Variants in TUFT1 observed in about 807,000 individuals in gnomAD.
TUFT1 encodes the protein tuftelin.
In TUFT1, 43 loss-of-function variants were observed where a neutral mutation model predicts 57.8. The ratio of observed to expected loss-of-function variants is 0.74; its 90% confidence interval spans 0.58 to 0.96. TUFT1 has a LOEUF of 0.96. Among genes scored for constraint, TUFT1 ranks in the 40% least tolerant of loss-of-function variants. TUFT1 has a pLI of 0.00. For missense variants in TUFT1, 459 were observed against 489.0 expected (o/e 0.94, Z 0.58); for synonymous variants, 166 against 176.7 (o/e 0.94, Z 0.48).
At chr1:151,578,036 A>G (rs1428704404) in intron 9 of TUFT1, among the ~76,000 whole-genome samples, 1 of 152,132 alleles carries the variant, frequency 6.6e-6, no homozygotes, top group East Asian at 1.9e-4. Flanking sequence ...CGGAAAAAAA[A>G]AAAAAGAAAA....
At chr1:151,565,612 A>G (rs1666045478) in intron 5 of TUFT1, among the ~76,000 whole-genome samples, 1 of 152,264 alleles carries the variant, frequency 6.6e-6, no homozygotes, top group Non-Finnish European at 1.5e-5. Context: ...ACTGGCCCAA[A>G]GTCCAGCCCC....
At chr1:151,575,075 T>G in intron 9 of TUFT1, 70 bp downstream of exon 9, 1 of 1,379,970 alleles carries the variant, frequency 7.2e-7, no homozygotes, top group Non-Finnish European at 1.0e-6. Flanking sequence ...TACAGCCTGT[T>G]GCTCCTGTGG....
chr1:151,582,938 GTT>G lies in TUFT1; in HGVS notation c.*1243_*1244del. The G allele has an allele frequency of 1.4e-5, 2 of 142,714 alleles. No homozygotes were observed. The highest frequency in any genetic ancestry group is 7.0e-5 in the Admixed American group (1 of 14,234). The allele number at this position is 142,714 out of a possible 1,614,324, so 8.8% of individuals were successfully genotyped here. On this transcript the variant is annotated 3_prime_UTR_variant, in exon 13 of 13. Transcript: ENST00000368849. The stretch of plus-strand genomic sequence containing the variant: ...GTCATCATGGTTTTCTTTTTTTATT[GTT>G]TTTTTTTTTTTCTGAGACAGAGTCT...
In TUFT1 at chr1:151,582,028, G is replaced by A. The variant is rs890859277; in HGVS notation, c.*321G>A. The A allele has an allele frequency of 1.8e-5, 10 of 548,618 alleles. No homozygotes were observed. The highest frequency in any genetic ancestry group is 3.7e-5 in the African/African-American group (2 of 53,592). 34.0% of individuals were successfully genotyped at this position (548,618 alleles called of 1,614,324 possible). On this transcript the variant is annotated 3_prime_UTR_variant, in exon 13 of 13. Transcript: ENST00000368849. ...CTGTTGTAGACTGGACTCTGGCTGTGCCATAAGCCAGGCCTTCATCAGATT... is the reference window on the plus strand; with the variant it reads ...CTGTTGTAGACTGGACTCTGGCTGTACCATAAGCCAGGCCTTCATCAGATT...
rs958134450 is a variant in TUFT1, at chr1:151,578,771, A to G, written c.869A>G (p.His290Arg). The stretch of plus-strand genomic sequence containing the variant: ...GCCGGGTTGCGGGAGAAGATCCACC[A>G]CTTGGATGACATGCTCAAGAGCCAG... ...EVAGLREKIHHLDDMLKSQQR... is the reference protein window; with the variant it reads ...EVAGLREKIHRLDDMLKSQQR... The change falls in exon 10 of 13, where the codon CAC (histidine) becomes CGC (arginine). Residue 290 changes from histidine to arginine, a missense_variant. His to Arg is a conservative substitution (Grantham distance 29, BLOSUM62 0). Transcript: ENST00000368849. 2 of 1,584,208 alleles carry G rather than the reference A, an allele frequency of 1.3e-6. No individual in the cohort carries two copies. The highest frequency in any genetic ancestry group is 1.3e-5 in the African/African-American group (1 of 74,322).
chr1:151,562,043 T>C, intron 1 of TUFT1, 48 bp from the exon 2 acceptor site: 4 of 1,591,320 alleles, frequency 2.5e-6, no homozygotes, highest in Non-Finnish European at 3.4e-6. Context: ...TTTGTACCTG[T>C]AGACTGTAAA....
chr1:151,578,666 T>G, intron 9 of TUFT1, 55 bp from the exon 10 acceptor site: 1 of 1,454,916 alleles, frequency 6.9e-7, no homozygotes, highest in Non-Finnish European at 9.4e-7. Flanking sequence ...TTCCTGTGAC[T>G]GGGTAAATAA....
chr1:151,560,870 C>T (rs1268892281), intron 1 of TUFT1, among the ~76,000 whole-genome samples: 1 of 152,020 alleles, frequency 6.6e-6, no homozygotes, highest in African/African-American at 2.4e-5. Context: ...CTTCTCTCAA[C>T]GTTATCATCT....
intron 1 of TUFT1, among the ~76,000 whole-genome samples, chr1:151,550,920 C>T (rs1052786778): frequency 3.9e-5 from 6 of 152,114 alleles, no homozygotes; most frequent in Admixed American, 1.3e-4. Flanking sequence ...CAGTGAGACC[C>T]TGTCTCAAAA....
At chr1:151,555,120 G>C (rs1453421621) in intron 1 of TUFT1, among the ~76,000 whole-genome samples, 1 of 149,286 alleles carries the variant, frequency 6.7e-6, no homozygotes, top group Admixed American at 6.7e-5. Context: ...ATGAGGTCAG[G>C]AGTTCAAGAC....
rs541235623 is a variant in TUFT1, at chr1:151,574,419, GT to G, written c.723+22del. The G allele has an allele frequency of 4.8e-5, 77 of 1,613,448 alleles. No individual in the cohort carries two copies. In the African/African-American group the frequency reaches 8.4e-4, roughly 18 times the overall value. On this transcript the variant is annotated intron_variant, in intron 8 of 12. Coordinates refer to ENST00000368849, the MANE Select transcript of TUFT1 (RefSeq NM_020127.3). ...AGACGGTAACCGGGGGATCTTGCTT[GT>G]CAGTGCCTGGACTCCTGGGCTGGAA...
At position 151,582,238 on chromosome 1, in the gene TUFT1, T is replaced by C. The variant is rs983469091; in HGVS notation, c.*531T>C. On this transcript the variant is annotated 3_prime_UTR_variant, in exon 13 of 13. Coordinates refer to ENST00000368849, the MANE Select transcript of TUFT1 (RefSeq NM_020127.3). Reference sequence around the variant, plus strand: ...GCTGCCCTGGCCTCCTGCAGACAGATAGTGGGGTTACCTGGCAAGGCCTGG... The same window carrying C: ...GCTGCCCTGGCCTCCTGCAGACAGACAGTGGGGTTACCTGGCAAGGCCTGG... 11 of 455,724 alleles carry C rather than the reference T, an allele frequency of 2.4e-5. No homozygotes were observed. Among genetic ancestry groups the C allele is most frequent in the African/African-American group, 2.2e-4 (11 of 50,076 alleles). 28.2% of individuals were successfully genotyped at this position (455,724 alleles called of 1,614,324 possible). A position where few individuals can be genotyped will look rare whatever the true frequency, so the allele number is the denominator to read the frequency against.
chr1:151,558,255 T>G (rs1388848178), intron 1 of TUFT1, among the ~76,000 whole-genome samples: 1 of 152,036 alleles, frequency 6.6e-6, no homozygotes, highest in Non-Finnish European at 1.5e-5. Context: ...TATTTTCCTT[T>G]GTCAATTCTG....
At chr1:151,541,436 T>C (rs989851431) in intron 1 of TUFT1, among the ~76,000 whole-genome samples, 3 of 152,132 alleles carry the variant, frequency 2.0e-5, no homozygotes, top group South Asian at 4.1e-4. Context: ...ATTAGGTGTG[T>C]ACTATTTCAT....
chr1:151,566,353 C>A, intron 6 of TUFT1, 125 bp downstream of exon 6: 1 of 742,468 alleles, frequency 1.3e-6, no homozygotes. Context: ...TAGTAGTTGA[C>A]ATAAAAATTC....
At chr1:151,548,641 C>G (rs1261521296) in intron 1 of TUFT1, among the ~76,000 whole-genome samples, 2 of 152,150 alleles carry the variant, frequency 1.3e-5, no homozygotes, top group Non-Finnish European at 2.9e-5. Flanking sequence ...GACTGCTCCT[C>G]CAGCAGCTTG....
At chr1:151,550,525 A>G (rs1464764627) in intron 1 of TUFT1, among the ~76,000 whole-genome samples, 2 of 151,710 alleles carry the variant, frequency 1.3e-5, no homozygotes, top group South Asian at 2.1e-4. Flanking sequence ...TTATATTTTC[A>G]GTGGAGACGG....
At chr1:151,559,396 A>G (rs1177150320) in intron 1 of TUFT1, among the ~76,000 whole-genome samples, 1 of 152,212 alleles carries the variant, frequency 6.6e-6, no homozygotes, top group Non-Finnish European at 1.5e-5. Context: ...GATGCGGGGT[A>G]GCATCTTGGA....
At chr1:151,548,569 G>A (rs1665416915) in intron 1 of TUFT1, among the ~76,000 whole-genome samples, 2 of 152,146 alleles carry the variant, frequency 1.3e-5, no homozygotes, top group Admixed American at 1.3e-4. Flanking sequence ...CCAAAGTGCT[G>A]GGATTACAGG....
Sources: allele counts gnomAD v4.1 joint callset (sites outside exome capture counted in the v4.1 genomes callset), GRCh38; gene constraint gnomAD v4.1.1; transcripts MANE v1.5; gene names NCBI Gene and HGNC (gene_info 2026-07-23, HGNC 2026-07-21).